AP2B1: variants seen among roughly 807,000 people sequenced by gnomAD.
AP2B1 encodes adaptor related protein complex 2 subunit beta 1.
In AP2B1, 23 loss-of-function variants were observed where a neutral mutation model predicts 102.0. That is an observed-to-expected ratio of 0.23 (90% CI 0.16 to 0.32). The LOEUF (loss-of-function observed/expected upper bound fraction) is 0.32. Among genes scored for constraint, AP2B1 ranks in the 10% least tolerant of loss-of-function variants. The pLI is 1.00. For synonymous variants in AP2B1, 381 were observed against 421.2 expected, an observed-to-expected ratio of 0.90 and a Z score of 1.17; for missense variants, 541 against 1,157.4, an observed-to-expected ratio of 0.47 and a Z score of 7.73.
intron 5 of AP2B1, among the ~76,000 whole-genome samples, chr17:35,623,701 T>C (rs2074244414): frequency 6.6e-6 from 1 of 152,210 alleles, no homozygotes; most frequent in Non-Finnish European, 1.5e-5. Flanking sequence ...TGTGAAAAAC[T>C]GTAGCTTACA....
chr17:35,721,296 C>T (rs1344172172), intron 21 of AP2B1, among the ~76,000 whole-genome samples: 1 of 152,126 alleles, frequency 6.6e-6, no homozygotes, highest in Admixed American at 6.5e-5. Flanking sequence ...ATGCATAGCC[C>T]CTTAATTTTA....
intron 5 of AP2B1, among the ~76,000 whole-genome samples, chr17:35,617,609 G>A (rs1165161588): frequency 1.3e-5 from 2 of 152,182 alleles, no homozygotes; most frequent in Admixed American, 1.3e-4. Context: ...ATTCAAGGGT[G>A]TACGTTTAAA....
At chr17:35,637,964 G>A (rs1884313590) in intron 10 of AP2B1, among the ~76,000 whole-genome samples, 1 of 151,966 alleles carries the variant, frequency 6.6e-6, no homozygotes, top group South Asian at 2.1e-4. Flanking sequence ...AGGATTATGG[G>A]CATGAGCCAC....
intron 14 of AP2B1, among the ~76,000 whole-genome samples, chr17:35,658,759 C>T (rs567722405): frequency 1.3e-5 from 2 of 152,314 alleles, no homozygotes; most frequent in East Asian, 3.9e-4. Context: ...CACAAAACAA[C>T]TGCACTCTCT....
chr17:35,604,574 A>AACG (rs1280583526), intron 3 of AP2B1, among the ~76,000 whole-genome samples: 2 of 107,160 alleles, frequency 1.9e-5, no homozygotes, highest in African/African-American at 7.0e-5. Context: ...CCTGGCTAAC[A>AACG]TGGTGAAACC....
chr17:35,618,263 C>T (rs2074079841), intron 5 of AP2B1, among the ~76,000 whole-genome samples: 1 of 152,164 alleles, frequency 6.6e-6, no homozygotes, highest in African/African-American at 2.4e-5. Context: ...CCTCACATGT[C>T]ATTTGAGGTC....
intron 8 of AP2B1, 40 bp downstream of exon 8, chr17:35,627,545 T>C: frequency 6.2e-7 from 1 of 1,613,678 alleles, no homozygotes; most frequent in Non-Finnish European, 8.5e-7. Flanking sequence ...ATGATTTAGC[T>C]CTTAAGGTCT....
At chr17:35,628,769 A>AACT (rs2074383229) in intron 9 of AP2B1, among the ~76,000 whole-genome samples, 1 of 152,188 alleles carries the variant, frequency 6.6e-6, no homozygotes, top group African/African-American at 2.4e-5. Context: ...TTACATAATG[A>AACT]AGGTTTTTGT....
At chr17:35,598,470 A>G (rs2073365238) in intron 3 of AP2B1, 135 bp downstream of exon 3, 1 of 526,622 alleles carries the variant, frequency 1.9e-6, no homozygotes, top group African/African-American at 1.9e-5. Context: ...AAACATCATT[A>G]GGAAGTGCAG....
chr17:35,684,016 A>G (rs1185022560), intron 18 of AP2B1, among the ~76,000 whole-genome samples: 1 of 152,248 alleles, frequency 6.6e-6, no homozygotes, highest in Admixed American at 6.5e-5. Context: ...ATGTAGGTGT[A>G]GTAACCTCCA....
intron 14 of AP2B1, among the ~76,000 whole-genome samples, chr17:35,669,067 A>G (rs1257773111): frequency 6.6e-6 from 1 of 151,916 alleles, no homozygotes; most frequent in African/African-American, 2.4e-5. Flanking sequence ...AGAACTAGGG[A>G]GAAAGCAGAT....
At chr17:35,641,752 T>C (rs2074787925) in intron 11 of AP2B1, 125 bp from the exon 12 acceptor site, 1 of 581,740 alleles carries the variant, frequency 1.7e-6, no homozygotes. Context: ...CAGCCTTTTG[T>C]CTCTTAACCA....
At chr17:35,666,399 A>G (rs1004934125) in intron 14 of AP2B1, among the ~76,000 whole-genome samples, 5 of 152,178 alleles carry the variant, frequency 3.3e-5, no homozygotes, top group African/African-American at 9.6e-5. Context: ...TAATGACTAC[A>G]GCAATTATGG....
intron 9 of AP2B1, 111 bp from the exon 10 acceptor site, chr17:35,636,230 A>C: frequency 1.5e-6 from 1 of 655,260 alleles, no homozygotes; most frequent in South Asian, 1.8e-5. Context: ...TAAGTGCCTG[A>C]TCATTTAGTT....
intron 14 of AP2B1, among the ~76,000 whole-genome samples, chr17:35,663,695 C>T (rs1193813918): frequency 6.6e-6 from 1 of 152,168 alleles, no homozygotes; most frequent in African/African-American, 2.4e-5. Context: ...ACAGAATATA[C>T]ACTGGTGTGT....
chr17:35,669,424 G>A (rs922932836), intron 14 of AP2B1, among the ~76,000 whole-genome samples: 2 of 152,180 alleles, frequency 1.3e-5, no homozygotes, highest in Non-Finnish European at 2.9e-5. Context: ...TTACAGGCAT[G>A]AGCCACCACG....
chr17:35,594,126 GC>G, intron 2 of AP2B1, 59 bp downstream of exon 2: 1 of 1,242,280 alleles, frequency 8.0e-7, no homozygotes, highest in Non-Finnish European at 1.1e-6. Context: ...GTGTAAGATT[GC>G]CCCAGGCAGA....
chr17:35,608,014 T>C, intron 4 of AP2B1, 128 bp from the exon 5 acceptor site: 1 of 1,103,760 alleles, frequency 9.1e-7, no homozygotes, highest in Non-Finnish European at 1.3e-6. Flanking sequence ...CATGGAAGAT[T>C]GGAGCTCATG....
At chr17:35,615,402 G>A (rs183707541) in intron 5 of AP2B1, among the ~76,000 whole-genome samples, 12 of 152,232 alleles carry the variant, frequency 7.9e-5, no homozygotes, top group Admixed American at 2.0e-4. Flanking sequence ...TGCACCTTCC[G>A]GTTGTTATAA....
Sources: allele counts gnomAD v4.1 joint callset (sites outside exome capture counted in the v4.1 genomes callset), GRCh38; gene constraint gnomAD v4.1.1; transcripts MANE v1.5; gene names NCBI Gene and HGNC (gene_info 2026-07-23, HGNC 2026-07-21).